The following COCH variants were observed in gnomAD, a reference collection of about 807,000 sequenced individuals.
COCH encodes the protein coagulation factor C homolog, cochlin (Limulus polyphemus).
A neutral mutation model predicts 54.8 loss-of-function variants in COCH; 40 were observed. The ratio of observed to expected loss-of-function variants is 0.73; its 90% CI spans 0.57 to 0.95. The LOEUF (loss-of-function observed/expected upper bound fraction) is 0.95. COCH is among the 40% of genes least tolerant of loss of function. The pLI is 0.00. For missense variants in COCH, 605 were observed against 675.0 expected (o/e 0.90, Z 1.15); for synonymous variants, 256 against 237.9 (o/e 1.08, Z -0.70).
At chr14:30,880,841 A>C in intron 8 of COCH, 107 bp downstream of exon 8, 1 of 822,190 alleles carries the variant, frequency 1.2e-6, no homozygotes. Flanking sequence ...TCATACATAC[A>C]ATGTATAGTG....
chr14:30,879,624 A>G, intron 6 of COCH, 139 bp downstream of exon 6: 1 of 812,186 alleles, frequency 1.2e-6, no homozygotes, highest in East Asian at 2.6e-5. Flanking sequence ...GTTTACTGGT[A>G]TATTACATAT....
chr14:30,884,591 C>T lies in COCH; in HGVS notation c.668C>T (p.Thr223Ile), dbSNP rs747849307. 9.9e-6 allele frequency: 16 copies of T among 1,613,716 alleles called. No individual in the cohort carries two copies. The South Asian group carries it at 1.8e-4, about 18-fold the overall frequency. Residue 223 changes from threonine to isoleucine, a missense_variant, in exon 9 of 12, where the codon ACA (threonine) becomes ATA (isoleucine). By Grantham distance (89) the Thr-to-Ile change is moderately conservative. Coordinates refer to ENST00000396618, the MANE Select transcript of COCH (RefSeq NM_004086.3). ...PKIEFYLKNF[T>I]SAKDVLFAIK... Reference sequence around the variant, plus strand: ...ATAGAATTTTACTTGAAAAACTTTACATCAGCCAAAGATGTTTTGTTTGCC... The same window carrying T: ...ATAGAATTTTACTTGAAAAACTTTATATCAGCCAAAGATGTTTTGTTTGCC...
At chr14:30,888,651 A>C (rs1895874325) in intron 11 of COCH, among the ~76,000 whole-genome samples, 1 of 152,044 alleles carries the variant, frequency 6.6e-6, no homozygotes, top group Non-Finnish European at 1.5e-5. Flanking sequence ...AGCTGGGCTT[A>C]GTGGCATGCG....
Position 30,886,087 on chromosome 14 carries a change from G to A in COCH, c.1252G>A (p.Glu418Lys). 6.2e-7 allele frequency: 1 copy of A among 1,614,206 alleles called. No homozygotes were observed. Among genetic ancestry groups the A allele is most frequent in the Non-Finnish European group, 8.5e-7 (1 of 1,180,026 alleles). Residue 418 changes from glutamate (E) to lysine (K), a missense_variant, in exon 11 of 12, where the codon GAG (glutamate) becomes AAG (lysine). Coordinates refer to ENST00000396618, the MANE Select transcript of COCH (RefSeq NM_004086.3). ...ACAGTTTACTTATGATCAGCGCACG[G>A]AGTTCAGTTTCACTGACTATAGCAC... is the stretch of plus-strand genomic sequence containing the variant. ...AVQFTYDQRT[E>K]FSFTDYSTKE...
At chr14:30,875,598 C>CTTTTTTA in intron 3 of COCH, 1 of 397,294 alleles carries the variant, frequency 2.5e-6, no homozygotes, top group South Asian at 6.8e-5. Flanking sequence ...AGGTGTAACC[C>CTTTTTTA]CTATAATCAG....
chr14:30,874,925 G>C lies in COCH; in HGVS notation c.-14G>C, dbSNP rs1269969712. The C allele has an allele frequency of 8.7e-6, 14 of 1,613,428 alleles. No homozygotes were observed. The highest frequency in any genetic ancestry group is 1.2e-5 in the Non-Finnish European group (14 of 1,179,846). On this transcript the variant is annotated 5_prime_UTR_variant, in exon 2 of 12. Transcript: ENST00000396618. ...TCTCCCTCTCTCCCAGGTGTGAGCA[G>C]CCTATCAGTCACCATGTCCGCAGCC... is the stretch of plus-strand genomic sequence containing the variant.
chr14:30,881,155 C>CA (rs898319825), intron 8 of COCH, among the ~76,000 whole-genome samples: 3 of 137,190 alleles, frequency 2.2e-5, no homozygotes, highest in African/African-American at 8.2e-5. Context: ...GCAGAGGTTA[C>CA]AATGAGCCGA....
chr14:30,882,380 T>A (rs56042100), intron 8 of COCH, among the ~76,000 whole-genome samples: 2 of 151,934 alleles, frequency 1.3e-5, no homozygotes. Context: ...TCCACCTGCC[T>A]CGGACTCCCA....
At chr14:30,889,291 T>A (rs1453555544) in intron 11 of COCH, 1 of 312,060 alleles carries the variant, frequency 3.2e-6, no homozygotes, top group East Asian at 8.3e-5. Flanking sequence ...TGGATCAGGT[T>A]AAAAGTCTTC....
chr14:30,886,961 A>G (rs911617750), intron 11 of COCH, among the ~76,000 whole-genome samples: 1 of 152,148 alleles, frequency 6.6e-6, no homozygotes, highest in African/African-American at 2.4e-5. Context: ...GGCTCAAGCA[A>G]TCCTCACACC....
At chr14:30,878,686 G>A (rs1001763630) in intron 4 of COCH, 125 bp from the exon 5 acceptor site, 2 of 1,363,530 alleles carry the variant, frequency 1.5e-6, no homozygotes, top group Admixed American at 2.0e-5. Context: ...AGAATCTTTA[G>A]ATGACTTCCC....
Position 30,877,474 on chromosome 14 carries a change from T to G in COCH, c.83-98T>G. ...ATAGTCATAACTAGAAGTGTAGAAA[T>G]TAGGGAAGTAAAACTTAAATCTCAC... On this transcript the variant is annotated intron_variant, in intron 3 of 11. Transcript: ENST00000396618. This position sits in a 1 kb window ranked among gnomAD's most constrained non-coding sequence, Gnocchi z 8.6. 7.0e-7 allele frequency: 1 copy of G among 1,436,862 alleles called. No individual in the cohort carries two copies. Among genetic ancestry groups the G allele is most frequent in the Non-Finnish European group, 9.6e-7 (1 of 1,041,280 alleles). 89.0% of individuals were successfully genotyped at this position (1,436,862 alleles called of 1,614,324 possible). A position where few individuals can be genotyped will look rare whatever the true frequency, so the allele number is the denominator to read the frequency against.
At chr14:30,889,347 A>G in intron 11 of COCH, 1 of 430,534 alleles carries the variant, frequency 2.3e-6, no homozygotes, top group South Asian at 2.2e-5. Flanking sequence ...ATGGATATTG[A>G]ACTTTATCAA....
intron 8 of COCH, among the ~76,000 whole-genome samples, chr14:30,883,625 C>T (rs1895686530): frequency 6.6e-6 from 1 of 152,114 alleles, no homozygotes; most frequent in South Asian, 2.1e-4. Flanking sequence ...ACTTCTCCCT[C>T]AAAAAATCTT....
chr14:30,880,481 A>G lies in COCH; in HGVS notation c.466A>G (p.Lys156Glu). The G allele has an allele frequency of 1.9e-6, 3 of 1,614,182 alleles. No homozygotes were observed. In the South Asian group the frequency reaches 3.3e-5, roughly 18 times the overall value. Residue 156 changes from lysine (K) to glutamate (E), a missense_variant, in exon 7 of 12, where the codon AAA (lysine) becomes GAA (glutamate). Coordinates refer to ENST00000396618, the MANE Select transcript of COCH (RefSeq NM_004086.3). ...ACGACTAAAGAAAACACCCGAGAAG[A>G]AAACTGGCAATAAAGGTAAGAATCA... ...GKRLKKTPEK[K>E]TGNKDCKADI... is the part of the protein sequence containing the mutation.
intron 11 of COCH, among the ~76,000 whole-genome samples, chr14:30,888,457 G>A (rs74040903): frequency 6.6e-6 from 1 of 152,080 alleles, no homozygotes; most frequent in East Asian, 1.9e-4. Context: ...ATTGCACCCA[G>A]CATTAGATAG....
In COCH at chr14:30,878,836, C is replaced by T; in HGVS notation, c.265C>T (p.Pro89Ser). Residue 89 changes from proline to serine, a missense_variant, in exon 5 of 12, where the codon CCT (proline) becomes TCT (serine). Coordinates refer to ENST00000396618, the MANE Select transcript of COCH (RefSeq NM_004086.3). The part of the protein sequence containing the change: ...HRGVISNSGG[P>S]VRVYSLPGRE... ...GGGAGTAATCAGCAACTCAGGGGGA[C>T]CTGTACGAGTCTATAGCCTACCTGG... 1 of 1,614,080 alleles carries T rather than the reference C, an allele frequency of 6.2e-7. No individual in the cohort carries two copies. Among genetic ancestry groups the T allele is most frequent in the Non-Finnish European group, 8.5e-7 (1 of 1,180,014 alleles).
At chr14:30,875,591 T>A in intron 3 of COCH, 1 of 425,524 alleles carries the variant, frequency 2.4e-6, no homozygotes, top group Non-Finnish European at 4.1e-6. Flanking sequence ...TGTTTCTAGG[T>A]GTAACCCCTA....
intron 8 of COCH, among the ~76,000 whole-genome samples, chr14:30,882,344 GGTCT>G (rs1895641984): frequency 6.6e-6 from 1 of 151,546 alleles, no homozygotes; most frequent in South Asian, 2.1e-4. Flanking sequence ...TGGCCAGCCT[GGTCT>G]CGAGCTCCTG....
Sources: gnomAD v4.1 joint callset for allele counts (sites outside exome capture counted in the v4.1 genomes callset) on GRCh38, gnomAD v4.1.1 for gene constraint, Gnocchi (gnomAD v3.1) non-coding constraint, MANE v1.5 for transcripts, NCBI Gene and HGNC (gene_info 2026-07-23, HGNC 2026-07-21) for gene names.